CACNA1C: variants seen among roughly 807,000 people sequenced by gnomAD.
The protein encoded by CACNA1C is voltage-dependent L-type calcium channel subunit alpha-1C.
In CACNA1C, 30 loss-of-function variants were observed where a neutral mutation model predicts 229.0. That is an observed-to-expected ratio of 0.13 (90% CI 0.10 to 0.18). CACNA1C has a LOEUF of 0.18. CACNA1C is among the 10% of genes least tolerant of loss of function. The pLI, the probability that CACNA1C is intolerant of heterozygous loss-of-function variation, is 1.00. For synonymous variants in CACNA1C, 1,114 were observed against 1,132.5 expected (o/e 0.98, Z 0.33); for missense variants, 1,658 against 2,845.0 (o/e 0.58, Z 9.49).
At chr12:2,364,055 G>C (rs768235259) in intron 3 of CACNA1C, among the ~76,000 whole-genome samples, 1 of 152,122 alleles carries the variant, frequency 6.6e-6, no homozygotes, top group African/African-American at 2.4e-5. Flanking sequence ...CTTCTCCAAG[G>C]ACAGCCTAAC....
chr12:2,557,007 C>T, intron 11 of CACNA1C, 30 bp downstream of exon 11: 5 of 1,598,614 alleles, frequency 3.1e-6, no homozygotes, highest in Non-Finnish European at 4.3e-6. Flanking sequence ...CTCTTCCTTC[C>T]TTCTGCCACC....
At chr12:2,236,346 C>A (rs1295269194) in intron 3 of CACNA1C, among the ~76,000 whole-genome samples, 1 of 152,220 alleles carries the variant, frequency 6.6e-6, no homozygotes, top group Non-Finnish European at 1.5e-5. Context: ...TAGTAGACTA[C>A]TATCATGCCT....
intron 4 of CACNA1C, among the ~76,000 whole-genome samples, chr12:2,451,180 G>A (rs1017485817): frequency 6.6e-5 from 10 of 152,220 alleles, no homozygotes; most frequent in African/African-American, 2.4e-4. Flanking sequence ...CTATAGGAGA[G>A]ATTTTGCTGC....
chr12:2,584,383 T>C (rs949080057), intron 15 of CACNA1C, 120 bp from the exon 16 acceptor site: 170 of 672,548 alleles, frequency 2.5e-4, no homozygotes, highest in Non-Finnish European at 8.3e-5. Flanking sequence ...CTCAAATTGC[T>C]TCCCCCTCAA....
chr12:2,054,522 T>G lies in CACNA1C; in HGVS notation c.49+911T>G, dbSNP rs1041293055. On this transcript the variant is annotated intron_variant, in intron 1 of 46. Transcript: ENST00000399655. This position sits in a 1 kb window ranked among gnomAD's most constrained non-coding sequence, Gnocchi z 5.5. ...GTGTCACCAGCTCCCCCTGTGATGG[T>G]GAAAGGCAGTCAGGTAACTCCCTAC... 1.3e-5 allele frequency among the ~76,000 whole-genome samples: 2 copies of G among 152,168 alleles called. No homozygotes were observed. Among genetic ancestry groups the G allele is most frequent in the Non-Finnish European group, 2.9e-5 (2 of 68,020 alleles).
intron 5 of CACNA1C, among the ~76,000 whole-genome samples, chr12:2,462,243 C>CGCTG (rs2099512120): frequency 6.7e-6 from 1 of 150,000 alleles, no homozygotes; most frequent in Non-Finnish European, 1.5e-5. Context: ...CCTTGGCCCC[C>CGCTG]ACCTCGGCTC....
At position 2,053,069 on chromosome 12, in the gene CACNA1C, C is replaced by T. The variant is rs1351892809; in HGVS notation, c.-494C>T. 1 of 983,986 alleles carries T rather than the reference C, an allele frequency of 1.0e-6. No individual in the cohort carries two copies. Among genetic ancestry groups the T allele is most frequent in the Admixed American group, 6.2e-5 (1 of 16,178 alleles). 61.0% of individuals were successfully genotyped at this position (983,986 alleles called of 1,614,324 possible). A position where few individuals can be genotyped will look rare whatever the true frequency, so the allele number is the denominator to read the frequency against. ...CGCGGCGGGCCCGGAGCGGCGGCGG[C>T]GGCTCTTCCTGCCTCCGCGCCCAGG... On this transcript the variant is annotated 5_prime_UTR_variant, in exon 1 of 47. Transcript: ENST00000399655. The surrounding 1 kb of genome is among the most constrained non-coding windows in gnomAD (Gnocchi z 5.8).
intron 1 of CACNA1C, among the ~76,000 whole-genome samples, chr12:2,086,460 G>A (rs1192564501): frequency 6.6e-6 from 1 of 152,128 alleles, no homozygotes; most frequent in African/African-American, 2.4e-5. Context: ...TCTATTCTAG[G>A]CTTGTTAAAC....
intron 10 of CACNA1C, among the ~76,000 whole-genome samples, chr12:2,556,364 A>C (rs1250470563): frequency 6.6e-6 from 1 of 152,122 alleles, no homozygotes; most frequent in African/African-American, 2.4e-5. Flanking sequence ...AGAGGTCCCC[A>C]GGTCTTCAGG....
At chr12:2,188,821 G>A (rs187002599) in intron 3 of CACNA1C, among the ~76,000 whole-genome samples, 24 of 152,170 alleles carry the variant, frequency 1.6e-4, no homozygotes, top group Admixed American at 3.9e-4. Context: ...GGCCAGGCAC[G>A]GTGTCTCACG....
At chr12:2,450,962 C>G (rs1372133541) in intron 4 of CACNA1C, among the ~76,000 whole-genome samples, 1 of 152,182 alleles carries the variant, frequency 6.6e-6, no homozygotes, top group South Asian at 2.1e-4. Flanking sequence ...TTCCTTGTCT[C>G]TGGCCATCTG....
chr12:2,497,434 G>A (rs2099748971), intron 7 of CACNA1C, among the ~76,000 whole-genome samples: 2 of 152,216 alleles, frequency 1.3e-5, no homozygotes, highest in African/African-American at 4.8e-5. Context: ...AAGGGGGGCA[G>A]CAGCTAGACT....
chr12:2,065,369 AACT>A (rs1202031039), intron 1 of CACNA1C, among the ~76,000 whole-genome samples: 35 of 152,362 alleles, frequency 2.3e-4, no homozygotes, highest in Admixed American at 4.6e-4. Context: ...TCTGAAAATG[AACT>A]GTCTCATGCC....
At chr12:2,495,450 G>A (rs563148329) in intron 7 of CACNA1C, among the ~76,000 whole-genome samples, 2 of 152,282 alleles carry the variant, frequency 1.3e-5, no homozygotes, top group South Asian at 4.2e-4. Context: ...GTGGGTGGAG[G>A]GTAGGAATAG....
chr12:2,554,974 C>T (rs557667739), intron 10 of CACNA1C, among the ~76,000 whole-genome samples: 2 of 152,212 alleles, frequency 1.3e-5, no homozygotes, highest in African/African-American at 2.4e-5. Flanking sequence ...CTCACAATCC[C>T]GGAGGATAGC....
chr12:1,971,943 A>G lies in CACNA1C; in HGVS notation c.139+742A>G, dbSNP rs2032474912. On this transcript the variant is annotated intron_variant, in intron 1 of 46. Transcript: ENST00000682462. The surrounding 1 kb of genome is among the most constrained non-coding windows in gnomAD (Gnocchi z 4.2). ...TGTGATAATGTTTGTGTAAATTTTT[A>G]AAAGAAGATATATATCCATTCAATT... Among the ~76,000 whole-genome samples the G allele has an allele frequency of 1.3e-5, 2 of 152,250 alleles. No homozygotes were observed. Among genetic ancestry groups the G allele is most frequent in the African/African-American group, 4.8e-5 (2 of 41,462 alleles).
intron 3 of CACNA1C, among the ~76,000 whole-genome samples, chr12:2,360,156 A>ACCCCC (rs796441635): frequency 4.7e-4 from 27 of 57,074 alleles, no homozygotes; most frequent in Non-Finnish European, 4.8e-4. Flanking sequence ...AACACACCCC[A>ACCCCC]CCCCCCCCCA....
chr12:2,655,190 G>A lies in CACNA1C; in HGVS notation c.4184G>A (p.Arg1395Gln), dbSNP rs759855917. The A allele has an allele frequency of 4.3e-6, 7 of 1,613,598 alleles. No individual in the cohort carries two copies. The highest frequency in any genetic ancestry group is 2.5e-6 in the Non-Finnish European group (3 of 1,179,722). ...CTGAATGATACCACAGAGATCAACCGGAACAACAACTTTCAGACCTTCCCC... is the reference window on the plus strand; with the variant it reads ...CTGAATGATACCACAGAGATCAACCAGAACAACAACTTTCAGACCTTCCCC... ...IALNDTTEINRNNNFQTFPQA... is the reference protein window; with the variant it reads ...IALNDTTEINQNNNFQTFPQA... The change falls in exon 34 of 47, where the codon CGG becomes CAG. Residue 1395 changes from arginine (R) to glutamine (Q), a missense_variant. Arg to Gln is a conservative substitution (Grantham distance 43). Transcript: ENST00000399655.
chr12:2,419,900 C>T (rs2098957921), intron 3 of CACNA1C, among the ~76,000 whole-genome samples: 2 of 152,242 alleles, frequency 1.3e-5, no homozygotes, highest in East Asian at 1.9e-4. Context: ...TCATGGGTGC[C>T]GGGGCCCAGC....
Sources: allele counts gnomAD v4.1 joint callset (sites outside exome capture counted in the v4.1 genomes callset), GRCh38; gene constraint gnomAD v4.1.1; non-coding constraint Gnocchi (gnomAD v3.1); transcripts MANE v1.5; gene names NCBI Gene and HGNC (gene_info 2026-07-23, HGNC 2026-07-21).